Variants in ARMC8 observed in about 807,000 individuals in gnomAD.
ARMC8 encodes armadillo repeat containing 8, also known as armadillo repeat-containing protein 8.
In ARMC8, 20 loss-of-function variants were observed where a neutral mutation model predicts 99.3. The observed-to-expected ratio is 0.20, with a 90% CI of 0.14 to 0.29. The LOEUF is 0.29. Ranked by LOEUF, ARMC8 falls within the 10% of genes least tolerant of loss-of-function variation. The pLI is 1.00. For missense variants in ARMC8, 569 were observed against 809.5 expected (o/e 0.70, Z 3.60); for synonymous variants, 263 against 278.3 (o/e 0.95, Z 0.55).
At chr3:138,271,939 G>GC (rs2048843035) in intron 16 of ARMC8, among the ~76,000 whole-genome samples, 2 of 151,934 alleles carry the variant, frequency 1.3e-5, no homozygotes, top group Non-Finnish European at 2.9e-5. Flanking sequence ...GGGATTACAG[G>GC]CGTGTGCCAC....
chr3:138,296,921 C>T lies in ARMC8; in HGVS notation c.*1029C>T, dbSNP rs1249760118. ...AGAACCAGTCATGGAAACTTGTGCT[C>T]AAACTAAAAGTAGGTCATCACTTCC... On this transcript the variant is annotated 3_prime_UTR_variant, in exon 22 of 22. Transcript: ENST00000469044. 6.6e-6 allele frequency: 1 copy of T among 152,138 alleles called. No homozygotes were observed. Among genetic ancestry groups the T allele is most frequent in the Non-Finnish European group, 1.5e-5 (1 of 68,034 alleles). 9.4% of individuals were successfully genotyped at this position (152,138 alleles called of 1,614,324 possible). A position where few individuals can be genotyped will look rare whatever the true frequency, so the allele number is the denominator to read the frequency against.
intron 1 of ARMC8, among the ~76,000 whole-genome samples, chr3:138,202,687 A>G (rs183209663): frequency 1.3e-5 from 2 of 152,354 alleles, no homozygotes; most frequent in East Asian, 3.9e-4. Context: ...ACTAAAATTC[A>G]TACCTAAGTC....
At chr3:138,239,312 C>T in intron 9 of ARMC8, 156 bp from the exon 10 acceptor site, 1 of 543,474 alleles carries the variant, frequency 1.8e-6, no homozygotes, top group East Asian at 3.5e-5. Context: ...ATTAAATTGA[C>T]TGAACCTCCG....
At chr3:138,208,065 G>A (rs993825995) in intron 1 of ARMC8, among the ~76,000 whole-genome samples, 8 of 148,520 alleles carry the variant, frequency 5.4e-5, no homozygotes, top group East Asian at 2.0e-4. Flanking sequence ...GTTTGAGATC[G>A]GCCTGGGCAA....
At chr3:138,287,851 A>G (rs912903996) in intron 19 of ARMC8, 1 of 296,952 alleles carries the variant, frequency 3.4e-6, no homozygotes. Context: ...TTATTTGAAC[A>G]TACTAGAAAT....
chr3:138,253,362 T>A (rs1271000527), intron 12 of ARMC8, among the ~76,000 whole-genome samples: 1 of 152,164 alleles, frequency 6.6e-6, no homozygotes, highest in Non-Finnish European at 1.5e-5. Context: ...TTTTTGCAGA[T>A]CAGGAAATCA....
chr3:138,199,723 C>T (rs1489743786), intron 1 of ARMC8, among the ~76,000 whole-genome samples: 2 of 152,282 alleles, frequency 1.3e-5, no homozygotes, highest in East Asian at 3.9e-4. Flanking sequence ...TAAAATGCTG[C>T]TTTTAAAGTA....
chr3:138,198,797 C>G (rs921049586), intron 1 of ARMC8, among the ~76,000 whole-genome samples: 1 of 152,012 alleles, frequency 6.6e-6, no homozygotes, highest in African/African-American at 2.4e-5. Context: ...CAGGCATGAG[C>G]CACTGCGCCC....
At position 138,273,026 on chromosome 3, in the gene ARMC8, T is replaced by G; in HGVS notation, c.1539T>G (p.Thr513=). The part of the protein sequence containing the change: ...IKADILRSLS[T]EQLFRLLSDS... ...CAGATATTTTACGAAGCTTGAGTAC[T>G]GAACAGCTATTCCGGTTATTATCAG... Residue 513 remains threonine, a synonymous_variant, in exon 17 of 22, where the codon ACT becomes ACG. Coordinates refer to ENST00000469044, the MANE Select transcript of ARMC8 (RefSeq NM_001363941.2). 4 of 1,612,946 alleles carry G rather than the reference T, an allele frequency of 2.5e-6. No individual in the cohort carries two copies. The highest frequency in any genetic ancestry group is 3.4e-6 in the Non-Finnish European group (4 of 1,179,330).
At position 138,279,090 on chromosome 3, in the gene ARMC8, T is replaced by C. The variant is rs370267567; in HGVS notation, c.1725+4546T>C. On this transcript the variant is annotated intron_variant, in intron 18 of 21. Transcript: ENST00000469044. ...ATGAGGATGAACATATTTGTTTTGTTCCCAATATTAGAGAAAAGCACTCAG... is the reference window on the plus strand; with the variant it reads ...ATGAGGATGAACATATTTGTTTTGTCCCCAATATTAGAGAAAAGCACTCAG... Among the ~76,000 whole-genome samples the C allele has an allele frequency of 8.9e-4, 135 of 152,352 alleles. 1 individual carries two copies. The highest frequency in any genetic ancestry group is 3.1e-3 in the African/African-American group (127 of 41,584).
intron 6 of ARMC8, among the ~76,000 whole-genome samples, chr3:138,232,002 G>C (rs530936592): frequency 2.1e-4 from 22 of 106,740 alleles, no homozygotes; most frequent in Admixed American, 9.2e-4. Flanking sequence ...ATGGAGTCTC[G>C]CTCTGTCTTC....
chr3:138,215,799 T>G (rs1576638905), intron 2 of ARMC8, among the ~76,000 whole-genome samples: 4 of 152,092 alleles, frequency 2.6e-5, no homozygotes, highest in African/African-American at 9.7e-5. Flanking sequence ...AACCATAAAA[T>G]GCTATGGAAA....
intron 15 of ARMC8, 124 bp downstream of exon 15, chr3:138,267,365 A>G: frequency 1.8e-6 from 1 of 569,916 alleles, no homozygotes; most frequent in Non-Finnish European, 3.1e-6. Flanking sequence ...GAATTGTTTG[A>G]TTGCATAGCG....
At chr3:138,206,379 T>C (rs1283855201) in intron 1 of ARMC8, among the ~76,000 whole-genome samples, 2 of 152,222 alleles carry the variant, frequency 1.3e-5, no homozygotes, top group East Asian at 3.8e-4. Context: ...TGCAGCTCTT[T>C]ACCATCTGGC....
intron 14 of ARMC8, among the ~76,000 whole-genome samples, chr3:138,265,869 T>C (rs2048231529): frequency 6.6e-6 from 1 of 152,152 alleles, no homozygotes; most frequent in Non-Finnish European, 1.5e-5. Flanking sequence ...ATATGATTTA[T>C]GTGTTGAGGT....
intron 12 of ARMC8, among the ~76,000 whole-genome samples, chr3:138,254,767 C>T (rs1559995344): frequency 6.6e-6 from 1 of 152,172 alleles, no homozygotes; most frequent in Admixed American, 6.5e-5. Context: ...AAAACTCCCA[C>T]TTTTCCACAA....
At chr3:138,187,998 G>A in intron 1 of ARMC8, 1 of 262,598 alleles carries the variant, frequency 3.8e-6, no homozygotes, top group East Asian at 7.8e-5. Context: ...GCCTGAGAAC[G>A]AGCGCCCACT....
Position 138,295,288 on chromosome 3 carries a change from C to T in ARMC8, c.1989-571C>T, listed in dbSNP as rs532437299. Among the ~76,000 whole-genome samples the T allele has an allele frequency of 5.3e-5, 8 of 152,300 alleles. No homozygotes were observed. In the East Asian group the frequency reaches 9.6e-4, roughly 18 times the overall value. On this transcript the variant is annotated intron_variant, in intron 21 of 21. Coordinates refer to ENST00000469044, the MANE Select transcript of ARMC8 (RefSeq NM_001363941.2). ...TCACATTGATCAGTTATGGTGTCAT[C>T]AGGTGTGATGAGAAGAACAAGATGA...
chr3:138,233,791 C>G (rs1026034498), intron 6 of ARMC8, among the ~76,000 whole-genome samples: 4 of 152,170 alleles, frequency 2.6e-5, no homozygotes, highest in African/African-American at 9.6e-5. Context: ...GGACCAATAA[C>G]TGGTTTCTTT....
Sources: allele counts gnomAD v4.1 joint callset (sites outside exome capture counted in the v4.1 genomes callset), GRCh38; gene constraint gnomAD v4.1.1; transcripts MANE v1.5; gene names NCBI Gene and HGNC (gene_info 2026-07-23, HGNC 2026-07-21).